Variants in KCNG3 observed in about 807,000 individuals in gnomAD.
KCNG3 encodes the protein potassium voltage-gated channel modifier subfamily G member 3.
In KCNG3, 15 loss-of-function variants were observed where a neutral mutation model predicts 29.0. The ratio of observed to expected loss-of-function variants is 0.52; its 90% CI spans 0.35 to 0.80. The LOEUF (loss-of-function observed/expected upper bound fraction) is 0.80. KCNG3 is among the 30% of genes least tolerant of loss of function. The pLI, the probability that KCNG3 is intolerant of heterozygous loss-of-function variation, is 0.01. For missense variants in KCNG3, 512 were observed against 605.7 expected, an observed-to-expected ratio of 0.85 and a Z score of 1.62; for synonymous variants, 322 against 248.9, an observed-to-expected ratio of 1.29 and a Z score of -2.76.
chr2:42,461,771 TTTTTA>T (rs1215634018), intron 1 of KCNG3, among the ~76,000 whole-genome samples: 1 of 152,224 alleles, frequency 6.6e-6, no homozygotes, highest in Non-Finnish European at 1.5e-5. Flanking sequence ...TTCTATTCCC[TTTTTA>T]TTTAACTGGC....
the KCNG3 span, among the ~76,000 whole-genome samples, chr2:42,407,599 G>A: frequency 6.6e-6 from 1 of 152,170 alleles, no homozygotes; most frequent in African/African-American, 2.4e-5. Context: ...CATGGCTGTG[G>A]ACCCAGGCCT....
chr2:42,492,920 G>A lies in KCNG3; in HGVS notation c.582C>T (p.Pro194=). 6.3e-7 allele frequency: 1 copy of A among 1,584,594 alleles called. No homozygotes were observed. Among genetic ancestry groups the A allele is most frequent in the Non-Finnish European group, 8.6e-7 (1 of 1,169,382 alleles). The change falls in exon 1 of 2, where the codon CCC becomes CCT. Residue 194 remains proline, a synonymous_variant. Transcript: ENST00000306078. ...SMVVLCASTL[P]DWRNAAADNR... is the part of the protein sequence containing the mutation. ...TGTCGGCGGCTGCGTTGCGCCAGTC[G>A]GGCAACGTGCTGGCGCACAGCACCA...
chr2:42,473,489 AC>A (rs574897678), intron 1 of KCNG3, among the ~76,000 whole-genome samples: 162 of 152,150 alleles, frequency 1.1e-3, no homozygotes, highest in African/African-American at 3.7e-3. Context: ...AGCTGGGACT[AC>A]AGGCACACAC....
chr2:42,463,722 C>A, intron 1 of KCNG3: 1 of 194,306 alleles, frequency 5.1e-6, no homozygotes, highest in Non-Finnish European at 1.0e-5. Flanking sequence ...CTTCAGTCCA[C>A]ATGCAAGCTG....
At chr2:42,459,655 C>G (rs1373111915) in intron 1 of KCNG3, among the ~76,000 whole-genome samples, 1 of 152,122 alleles carries the variant, frequency 6.6e-6, no homozygotes, top group Non-Finnish European at 1.5e-5. Flanking sequence ...TAAAGATAAA[C>G]TAAAGATAGA....
chr2:42,438,064 T>C (rs1212602780), downstream of KCNG3, among the ~76,000 whole-genome samples: 1 of 152,198 alleles, frequency 6.6e-6, no homozygotes, highest in African/African-American at 2.4e-5. Context: ...AAAATTATCT[T>C]GCCCTCTATA....
intron 1 of KCNG3, among the ~76,000 whole-genome samples, chr2:42,471,523 T>C (rs759674573): frequency 1.3e-5 from 2 of 152,004 alleles, no homozygotes; most frequent in East Asian, 1.9e-4. Context: ...ACCTAACAAG[T>C]AGGTTTCTTT....
chr2:42,391,277 T>C, the KCNG3 span, among the ~76,000 whole-genome samples: 1 of 152,266 alleles, frequency 6.6e-6, no homozygotes, highest in East Asian at 1.9e-4. Context: ...TGTCCTCACT[T>C]CTATGACCAG....
intron 1 of KCNG3, among the ~76,000 whole-genome samples, chr2:42,452,768 TGG>T (rs983034952): frequency 4.0e-5 from 3 of 74,910 alleles, no homozygotes; most frequent in Non-Finnish European, 5.5e-5. Flanking sequence ...TACATTCAAC[TGG>T]GTGTGTGTGT....
At chr2:42,391,006 G>A in the KCNG3 span, among the ~76,000 whole-genome samples, 2 of 152,194 alleles carry the variant, frequency 1.3e-5, no homozygotes, top group African/African-American at 4.8e-5. Flanking sequence ...AGTGCTGTAG[G>A]CTGAGCTCCC....
At position 42,492,981 on chromosome 2, in the gene KCNG3, G is replaced by C; in HGVS notation, c.521C>G (p.Ala174Gly). The change falls in exon 1 of 2, where the codon GCT becomes GGT. Residue 174 changes from alanine (A) to glycine (G), a missense_variant. Ala to Gly is a moderately conservative substitution (Grantham distance 60). Coordinates refer to ENST00000306078, the MANE Select transcript of KCNG3 (RefSeq NM_133329.6). ...GATCACGAACACCACCGACACGCTA[G>C]CCAGGATCTGCGCGGCCAGCGACGA... ...PTSSLAAQIL[A>G]SVSVVFVIVS... The C allele has an allele frequency of 6.5e-7, 1 of 1,546,346 alleles. No individual in the cohort carries two copies. The highest frequency in any genetic ancestry group is 8.7e-7 in the Non-Finnish European group (1 of 1,149,944).
At chr2:42,485,196 C>G (rs561076232) in intron 1 of KCNG3, among the ~76,000 whole-genome samples, 16 of 152,152 alleles carry the variant, frequency 1.1e-4, no homozygotes, top group African/African-American at 3.6e-4. Context: ...CACCACAACA[C>G]AAAGCAATAC....
the KCNG3 span, among the ~76,000 whole-genome samples, chr2:42,428,835 G>A: frequency 1.3e-5 from 2 of 152,096 alleles, no homozygotes; most frequent in Admixed American, 6.6e-5. Flanking sequence ...AAACAGGCAC[G>A]ACGCTGAGTG....
the KCNG3 span, among the ~76,000 whole-genome samples, chr2:42,422,141 C>T: frequency 6.6e-6 from 1 of 152,124 alleles, no homozygotes; most frequent in East Asian, 1.9e-4. Context: ...TTACCAATTG[C>T]TACGGTTTGA....
the KCNG3 span, among the ~76,000 whole-genome samples, chr2:42,397,905 C>CT: frequency 2.5e-4 from 38 of 152,284 alleles, no homozygotes; most frequent in Non-Finnish European, 3.8e-4. Context: ...TCTCACAACT[C>CT]TAACAGGCAG....
At chr2:42,440,995 T>C (rs1297154994), downstream of KCNG3, among the ~76,000 whole-genome samples, 2 of 152,196 alleles carry the variant, frequency 1.3e-5, no homozygotes, top group South Asian at 2.1e-4. Flanking sequence ...ATACAGATAT[T>C]AATGAAAACA....
chr2:42,443,317 G>A lies in KCNG3; in HGVS notation c.*617C>T, dbSNP rs563699986. 1.3e-5 allele frequency: 2 copies of A among 152,650 alleles called. No individual in the cohort carries two copies. Among genetic ancestry groups the A allele is most frequent in the South Asian group, 2.1e-4 (1 of 4,820 alleles). The allele number at this position is 152,650 out of a possible 1,614,324, so 9.5% of individuals were successfully genotyped here. A position where few individuals can be genotyped will look rare whatever the true frequency, so the allele number is the denominator to read the frequency against. Reference sequence around the variant, plus strand: ...GAACATACTCAAGCTTCCATGAAGCGGCACGATAAGGTGAATAATTGGCAC... The same window carrying A: ...GAACATACTCAAGCTTCCATGAAGCAGCACGATAAGGTGAATAATTGGCAC... On this transcript the variant is annotated 3_prime_UTR_variant, in exon 2 of 2. Coordinates refer to ENST00000306078, the MANE Select transcript of KCNG3 (RefSeq NM_133329.6).
intron 1 of KCNG3, among the ~76,000 whole-genome samples, chr2:42,484,725 G>A (rs1673679542): frequency 6.6e-6 from 1 of 152,170 alleles, no homozygotes; most frequent in African/African-American, 2.4e-5. Context: ...AAAGAATAAT[G>A]TTGAAAATAA....
chr2:42,390,308 T>C, the KCNG3 span, among the ~76,000 whole-genome samples: 2 of 152,172 alleles, frequency 1.3e-5, no homozygotes, highest in Non-Finnish European at 1.5e-5. Flanking sequence ...AGGAATAAAA[T>C]CTTTTAAGCT....
Sources: allele counts gnomAD v4.1 joint callset (sites outside exome capture counted in the v4.1 genomes callset), GRCh38; gene constraint gnomAD v4.1.1; transcripts MANE v1.5; gene names NCBI Gene and HGNC (gene_info 2026-07-23, HGNC 2026-07-21).